The following COMMD1 variants were observed in gnomAD, a reference collection of about 807,000 sequenced individuals.
COMMD1 encodes the protein copper metabolism domain containing 1.
A neutral mutation model predicts 17.2 loss-of-function variants in COMMD1; 10 were observed. The observed-to-expected ratio is 0.58, with a 90% CI of 0.36 to 0.99. COMMD1 has a LOEUF of 0.99. Ranked by LOEUF, COMMD1 falls within the 50% of genes least tolerant of loss-of-function variation. The pLI is 0.01. For missense variants in COMMD1, 270 were observed against 231.8 expected (o/e 1.17, Z -1.07); for synonymous variants, 97 against 91.6 (o/e 1.06, Z -0.34).
Position 62,036,054 on chromosome 2 carries a change from TCACACACA to T in COMMD1, c.462+35101_462+35108del, listed in dbSNP as rs70946776. Among the ~76,000 whole-genome samples the T allele has an allele frequency of 2.5e-3, 353 of 143,394 alleles. 2 individuals carry two copies. The highest frequency in any genetic ancestry group is 7.4e-3 in the African/African-American group (294 of 39,510). The allele number at this position is 143,394 out of a possible 152,430, so 94.1% of individuals were successfully genotyped here. A position where few individuals can be genotyped will look rare whatever the true frequency, so the allele number is the denominator to read the frequency against. On this transcript the variant is annotated intron_variant, in intron 2 of 2. Coordinates refer to ENST00000311832, the MANE Select transcript of COMMD1 (RefSeq NM_152516.4). ...GGGTGATAGAGTGAGACCCTGTCTC[TCACACACA>T]CACACACACACACACACACACACAC...
intron 2 of COMMD1, among the ~76,000 whole-genome samples, chr2:62,059,314 C>A (rs1167426899): frequency 6.6e-6 from 1 of 150,726 alleles, no homozygotes; most frequent in African/African-American, 2.5e-5. Flanking sequence ...GCCATGGCAC[C>A]TGGCTAATTT....
intron 2 of COMMD1, among the ~76,000 whole-genome samples, chr2:62,105,297 A>T (rs907691161): frequency 6.6e-6 from 1 of 151,994 alleles, no homozygotes; most frequent in East Asian, 1.9e-4. Context: ...CTTGTCTGTC[A>T]CCTTCCTTGC....
At chr2:62,065,642 G>T (rs1671017840) in intron 2 of COMMD1, among the ~76,000 whole-genome samples, 1 of 152,014 alleles carries the variant, frequency 6.6e-6, no homozygotes. Context: ...TACTTTAAAG[G>T]TAACTGGAAA....
intron 2 of COMMD1, among the ~76,000 whole-genome samples, chr2:62,025,551 C>T (rs1407733302): frequency 1.3e-5 from 2 of 152,016 alleles, no homozygotes; most frequent in Admixed American, 6.6e-5. Flanking sequence ...CAAACAAAAT[C>T]AAACAAACTC....
At chr2:61,999,979 AGTG>A (rs1397515620) in intron 1 of COMMD1, among the ~76,000 whole-genome samples, 1 of 139,852 alleles carries the variant, frequency 7.2e-6, no homozygotes, top group African/African-American at 2.8e-5. Flanking sequence ...GCTGGAGTAT[AGTG>A]GTGTGATCTG....
At chr2:61,992,324 C>T (rs546335346) in intron 1 of COMMD1, among the ~76,000 whole-genome samples, 4 of 152,198 alleles carry the variant, frequency 2.6e-5, no homozygotes, top group South Asian at 2.1e-4. Context: ...TTATTAAAAC[C>T]GTGAAAAAAT....
At chr2:62,034,586 A>G (rs767124939) in intron 2 of COMMD1, among the ~76,000 whole-genome samples, 1 of 152,162 alleles carries the variant, frequency 6.6e-6, no homozygotes, top group Non-Finnish European at 1.5e-5. Flanking sequence ...TGCTTCAACT[A>G]TTCATGAACA....
chr2:62,129,232 A>T (rs751764726), intron 2 of COMMD1, among the ~76,000 whole-genome samples: 4 of 152,200 alleles, frequency 2.6e-5, no homozygotes, highest in Non-Finnish European at 5.9e-5. Flanking sequence ...GATACCCTAC[A>T]TAGAAAATAT....
chr2:62,035,633 G>A (rs528870473), intron 2 of COMMD1, among the ~76,000 whole-genome samples: 7 of 151,884 alleles, frequency 4.6e-5, no homozygotes, highest in African/African-American at 1.2e-4. Context: ...CAACTACTTG[G>A]GAGGCTTGGG....
At chr2:62,112,687 AT>A (rs1411256937) in intron 2 of COMMD1, among the ~76,000 whole-genome samples, 3 of 152,124 alleles carry the variant, frequency 2.0e-5, no homozygotes, top group Non-Finnish European at 4.4e-5. Context: ...TTATTTTTCC[AT>A]TTTTTAGATT....
chr2:62,043,249 T>C, intron 2 of COMMD1, among the ~76,000 whole-genome samples: 1 of 152,250 alleles, frequency 6.6e-6, no homozygotes, highest in Non-Finnish European at 1.5e-5. Context: ...ATACTTCTAC[T>C]TAACTAATGG....
At chr2:61,968,848 G>A (rs768852481) in intron 1 of COMMD1, 12 of 199,266 alleles carry the variant, frequency 6.0e-5, no homozygotes, top group Non-Finnish European at 9.8e-5. Context: ...ATGAACCACC[G>A]TGCCTGGCCT....
At chr2:62,065,429 G>A (rs1163592672) in intron 2 of COMMD1, among the ~76,000 whole-genome samples, 1 of 136,394 alleles carries the variant, frequency 7.3e-6, no homozygotes, top group African/African-American at 2.8e-5. Context: ...GCTCAAGCAA[G>A]TCTCCCATCT....
intron 1 of COMMD1, among the ~76,000 whole-genome samples, chr2:61,899,983 T>C (rs1669625924): frequency 6.6e-6 from 1 of 152,236 alleles, no homozygotes; most frequent in African/African-American, 2.4e-5. Context: ...GTATTTTCAC[T>C]TGCTTCTAAA....
intron 2 of COMMD1, among the ~76,000 whole-genome samples, chr2:62,004,230 T>C (rs1158164140): frequency 6.6e-6 from 1 of 152,220 alleles, no homozygotes; most frequent in Non-Finnish European, 1.5e-5. Context: ...TTATTGTACA[T>C]CACATACTTC....
chr2:62,033,774 C>T (rs1573095450), intron 2 of COMMD1, among the ~76,000 whole-genome samples: 1 of 151,990 alleles, frequency 6.6e-6, no homozygotes, highest in African/African-American at 2.4e-5. Flanking sequence ...TGTGACTGCC[C>T]ACCTTGTCCT....
At chr2:61,912,075 C>G (rs1669919845) in intron 1 of COMMD1, among the ~76,000 whole-genome samples, 1 of 152,090 alleles carries the variant, frequency 6.6e-6, no homozygotes, top group South Asian at 2.1e-4. Context: ...CCTGGCTTTA[C>G]TTTTTCTTCA....
intron 1 of COMMD1, among the ~76,000 whole-genome samples, chr2:61,920,171 A>G (rs1670151866): frequency 6.6e-6 from 1 of 152,148 alleles, no homozygotes; most frequent in Non-Finnish European, 1.5e-5. Context: ...CCACAGGCTC[A>G]GGAATATTCT....
intron 1 of COMMD1, among the ~76,000 whole-genome samples, chr2:61,953,235 C>G (rs1177324986): frequency 2.0e-5 from 3 of 152,138 alleles, no homozygotes; most frequent in Non-Finnish European, 4.4e-5. Flanking sequence ...ATCTCGAACT[C>G]CTGACCTCAG....
Sources: gnomAD v4.1 joint callset for allele counts (sites outside exome capture counted in the v4.1 genomes callset) on GRCh38, gnomAD v4.1.1 for gene constraint, MANE v1.5 for transcripts, NCBI Gene and HGNC (gene_info 2026-07-23, HGNC 2026-07-21) for gene names.